CDH13: variants seen among roughly 807,000 people sequenced by gnomAD.
CDH13 encodes cadherin-13.
A neutral mutation model predicts 63.8 loss-of-function variants in CDH13; 24 were observed. That is an observed-to-expected ratio of 0.38 (90% CI 0.27 to 0.53). CDH13 has a LOEUF of 0.53. CDH13 is among the 20% of genes least tolerant of loss of function. The pLI is 0.85. For synonymous variants in CDH13, 503 were observed against 355.3 expected (o/e 1.42, Z -4.67); for missense variants, 1,049 against 903.1 (o/e 1.16, Z -2.07).
chr16:82,983,431 T>A (rs1366182982), intron 2 of CDH13, among the ~76,000 whole-genome samples: 1 of 152,162 alleles, frequency 6.6e-6, no homozygotes, highest in Non-Finnish European at 1.5e-5. Context: ...TAGTCTGAGT[T>A]TGGAGGGTTG....
intron 10 of CDH13, among the ~76,000 whole-genome samples, chr16:83,718,999 G>A (rs1252053873): frequency 2.0e-5 from 3 of 152,198 alleles, no homozygotes; most frequent in Non-Finnish European, 4.4e-5. Context: ...TCTGGCAAAG[G>A]AATGCAGGTG....
At chr16:82,800,207 C>T (rs2036784033) in intron 1 of CDH13, among the ~76,000 whole-genome samples, 1 of 151,968 alleles carries the variant, frequency 6.6e-6, no homozygotes, top group African/African-American at 2.4e-5. Context: ...TGACAAAGGC[C>T]ATATTTTGAG....
intron 4 of CDH13, among the ~76,000 whole-genome samples, chr16:83,144,321 C>G (rs2036656913): frequency 2.0e-5 from 3 of 152,186 alleles, no homozygotes; most frequent in Admixed American, 2.0e-4. Context: ...TGAACACCAC[C>G]TAACCAATAT....
At chr16:83,034,085 A>G (rs1198664045) in intron 3 of CDH13, among the ~76,000 whole-genome samples, 1 of 152,122 alleles carries the variant, frequency 6.6e-6, no homozygotes, top group Non-Finnish European at 1.5e-5. Context: ...TCTTGAGAGC[A>G]TCATATAGCT....
Position 83,712,612 on chromosome 16 carries a change from C to T in CDH13, c.1538+34151C>T, listed in dbSNP as rs189220500. 6.8e-4 allele frequency among the ~76,000 whole-genome samples: 103 copies of T among 152,282 alleles called. 1 individual carries two copies. The highest frequency in any genetic ancestry group is 4.9e-3 in the Admixed American group (75 of 15,304). ...GCTGTACCTGTACAAGCCAGCAAGG[C>T]AAAGAGGCCTGGTTGCAAGATGTGA... On this transcript the variant is annotated intron_variant, in intron 10 of 13. Transcript: ENST00000567109.
At chr16:83,567,194 C>A (rs1339267406) in intron 7 of CDH13, among the ~76,000 whole-genome samples, 2 of 152,232 alleles carry the variant, frequency 1.3e-5, no homozygotes, top group African/African-American at 4.8e-5. Context: ...TTCCCAGTGC[C>A]CAGTCATGGC....
intron 6 of CDH13, among the ~76,000 whole-genome samples, chr16:83,451,102 G>T (rs2072875328): frequency 6.6e-6 from 1 of 152,138 alleles, no homozygotes; most frequent in Non-Finnish European, 1.5e-5. Flanking sequence ...CCTTCTTCAA[G>T]GAGTCACATG....
intron 5 of CDH13, among the ~76,000 whole-genome samples, chr16:83,275,398 A>G (rs992723342): frequency 2.6e-5 from 4 of 152,160 alleles, no homozygotes; most frequent in Non-Finnish European, 4.4e-5. Context: ...TTCCTGTCTG[A>G]TCAGATTAAT....
intron 6 of CDH13, among the ~76,000 whole-genome samples, chr16:83,376,779 G>T (rs191624642): frequency 6.6e-5 from 10 of 152,260 alleles, no homozygotes; most frequent in Admixed American, 2.6e-4. Context: ...CTTGATTCTA[G>T]GTGAGGAGGG....
At chr16:83,502,310 C>A (rs1043207651) in intron 7 of CDH13, among the ~76,000 whole-genome samples, 4 of 152,062 alleles carry the variant, frequency 2.6e-5, no homozygotes, top group African/African-American at 9.7e-5. Context: ...TTTAAAGATG[C>A]TCTAGTGCTG....
At chr16:82,698,478 C>T (rs931064012) in intron 1 of CDH13, among the ~76,000 whole-genome samples, 1 of 152,238 alleles carries the variant, frequency 6.6e-6, no homozygotes, top group Non-Finnish European at 1.5e-5. Flanking sequence ...TGGGCTCAGC[C>T]ATCAGTTAGG....
chr16:83,155,708 G>A (rs56407234), intron 4 of CDH13, among the ~76,000 whole-genome samples: 26,074 of 152,156 alleles, frequency 0.17, 2,300 homozygotes, highest in South Asian at 0.23. Context: ...GCAGGGATGG[G>A]GGTGAGATGA....
At chr16:83,780,347 T>A in intron 12 of CDH13, 146 bp downstream of exon 12, 1 of 605,200 alleles carries the variant, frequency 1.7e-6, no homozygotes, top group Non-Finnish European at 2.9e-6. Flanking sequence ...CTGAGAATTT[T>A]CCCACCAACA....
chr16:83,577,122 G>A (rs1377944378), intron 7 of CDH13, among the ~76,000 whole-genome samples: 3 of 152,184 alleles, frequency 2.0e-5, no homozygotes, highest in African/African-American at 7.2e-5. Flanking sequence ...TCAGTCTGTT[G>A]ATTGGCTGCG....
At chr16:82,993,346 C>T (rs756779857) in intron 2 of CDH13, among the ~76,000 whole-genome samples, 3 of 151,898 alleles carry the variant, frequency 2.0e-5, no homozygotes, top group Admixed American at 6.6e-5. Flanking sequence ...CAGATGCTTA[C>T]GCTTATTAAA....
At chr16:83,041,106 T>C (rs1336852582) in intron 3 of CDH13, among the ~76,000 whole-genome samples, 3 of 152,210 alleles carry the variant, frequency 2.0e-5, no homozygotes, top group African/African-American at 4.8e-5. Context: ...AAAAGTTCAT[T>C]ATGAACAATT....
intron 6 of CDH13, among the ~76,000 whole-genome samples, chr16:83,473,644 G>A (rs1213291429): frequency 6.6e-6 from 1 of 152,162 alleles, no homozygotes; most frequent in African/African-American, 2.4e-5. Flanking sequence ...AAGCTGTAAT[G>A]CAGGGCAAGG....
intron 7 of CDH13, among the ~76,000 whole-genome samples, chr16:83,601,647 G>C (rs1415276133): frequency 6.6e-6 from 1 of 152,162 alleles, no homozygotes; most frequent in African/African-American, 2.4e-5. Flanking sequence ...TTTCTATAAA[G>C]TGAGGTAATG....
chr16:83,198,228 A>C (rs1303210788), intron 4 of CDH13, among the ~76,000 whole-genome samples: 1 of 152,126 alleles, frequency 6.6e-6, no homozygotes, highest in Non-Finnish European at 1.5e-5. Flanking sequence ...CAAGTACAAC[A>C]ATTTACAGCA....
Sources: allele counts gnomAD v4.1 joint callset (sites outside exome capture counted in the v4.1 genomes callset), GRCh38; gene constraint gnomAD v4.1.1; transcripts MANE v1.5; gene names NCBI Gene and HGNC (gene_info 2026-07-23, HGNC 2026-07-21).